GTF2E2: variants seen among roughly 807,000 people sequenced by gnomAD.
GTF2E2 encodes general transcription factor IIE subunit 2, also known as transcription initiation factor IIE subunit beta.
In GTF2E2, 21 loss-of-function variants were observed where a neutral mutation model predicts 40.5. The observed-to-expected ratio is 0.52, with a 90% CI of 0.37 to 0.75. GTF2E2 has a LOEUF of 0.75. GTF2E2 is among the 30% of genes least tolerant of loss of function. The pLI is 0.00. For missense variants in GTF2E2, 298 were observed against 338.4 expected, an observed-to-expected ratio of 0.88 and a Z score of 0.94; for synonymous variants, 117 against 121.6, an observed-to-expected ratio of 0.96 and a Z score of 0.25.
chr8:30,616,506 G>GAAA (rs10680031), intron 3 of GTF2E2, among the ~76,000 whole-genome samples: 1 of 151,034 alleles, frequency 6.6e-6, no homozygotes, highest in African/African-American at 2.4e-5. Context: ...TGAGGGGAGA[G>GAAA]GATGAACAAG....
chr8:30,587,513 T>C (rs1828716828), intron 6 of GTF2E2, among the ~76,000 whole-genome samples: 2 of 150,946 alleles, frequency 1.3e-5, no homozygotes, highest in African/African-American at 2.4e-5. Flanking sequence ...GCAAAAGATC[T>C]GAATATTGTC....
At chr8:30,587,828 C>T (rs906517760) in intron 6 of GTF2E2, among the ~76,000 whole-genome samples, 1 of 143,750 alleles carries the variant, frequency 7.0e-6, no homozygotes, top group African/African-American at 2.6e-5. Flanking sequence ...GCCAAGACCG[C>T]ACCACTGCAC....
intron 3 of GTF2E2, among the ~76,000 whole-genome samples, chr8:30,626,290 T>C (rs1414785364): frequency 6.6e-6 from 1 of 152,074 alleles, no homozygotes; most frequent in Non-Finnish European, 1.5e-5. Context: ...ATCGAGACCA[T>C]CCTGGCCAAC....
intron 6 of GTF2E2, among the ~76,000 whole-genome samples, chr8:30,603,893 G>T (rs1183204991): frequency 6.6e-6 from 1 of 151,904 alleles, no homozygotes; most frequent in African/African-American, 2.4e-5. Flanking sequence ...AAGTCCGAGG[G>T]CCACGCTCTG....
At chr8:30,638,032 G>A (rs1801669918) in intron 2 of GTF2E2, among the ~76,000 whole-genome samples, 1 of 152,140 alleles carries the variant, frequency 6.6e-6, no homozygotes, top group Non-Finnish European at 1.5e-5. Context: ...TTTGAATGCA[G>A]GTAGTGTATT....
At chr8:30,593,937 T>A (rs752393293) in intron 6 of GTF2E2, among the ~76,000 whole-genome samples, 3 of 152,120 alleles carry the variant, frequency 2.0e-5, no homozygotes, top group Admixed American at 6.5e-5. Flanking sequence ...TTTATTTTTT[T>A]ATCTTTCTTT....
At chr8:30,632,789 G>A (rs1309911481) in intron 3 of GTF2E2, among the ~76,000 whole-genome samples, 1 of 152,110 alleles carries the variant, frequency 6.6e-6, no homozygotes, top group Non-Finnish European at 1.5e-5. Flanking sequence ...AAAACTGAAG[G>A]AGGACCTAAC....
intron 6 of GTF2E2, among the ~76,000 whole-genome samples, chr8:30,591,642 G>A (rs1174430583): frequency 6.6e-6 from 1 of 152,238 alleles, no homozygotes; most frequent in Non-Finnish European, 1.5e-5. Flanking sequence ...TGGCAAGGGT[G>A]TGGGGAAAGC....
rs975744942 is a variant in GTF2E2, at chr8:30,614,928, T to G, written c.259-213A>C. ...AAAGACAAACTGACAAAAAAATATA[T>G]GCAACTCGTATCACCAAGAGCTATA... is the stretch of plus-strand genomic sequence containing the variant. On this transcript the variant is annotated intron_variant, in intron 3 of 7. Transcript: ENST00000355904. 7.2e-5 allele frequency among the ~76,000 whole-genome samples: 11 copies of G among 152,020 alleles called. 1 individual carries two copies. The highest frequency in any genetic ancestry group is 2.4e-4 in the African/African-American group (10 of 41,358).
chr8:30,578,929 TG>T lies in GTF2E2; in HGVS notation c.867del (p.Ser290AlafsTer22). On this transcript the variant is annotated frameshift_variant, in exon 8 of 8. Coordinates refer to ENST00000355904, the MANE Select transcript of GTF2E2 (RefSeq NM_002095.6). LOFTEE classifies it high-confidence loss of function. ...CAGGGCAAAACTGTTCCCTATTTGC[TG>T]GAAGTAATGTCAGAGTAATCCTTCA... ...GVLKDYSDIT[S>X]SK 3 of 1,517,206 alleles carry T rather than the reference TG, an allele frequency of 2.0e-6. No homozygotes were observed. Among genetic ancestry groups the T allele is most frequent in the Non-Finnish European group, 2.7e-6 (3 of 1,091,504 alleles). The allele number at this position is 1,517,206 out of a possible 1,614,324, so 94.0% of individuals were successfully genotyped here. A position where few individuals can be genotyped will look rare whatever the true frequency, so the allele number is the denominator to read the frequency against.
intron 1 of GTF2E2, among the ~76,000 whole-genome samples, chr8:30,657,382 C>G (rs947126477): frequency 5.9e-5 from 9 of 152,114 alleles, no homozygotes; most frequent in Admixed American, 1.3e-4. Flanking sequence ...CTCTTTCAAC[C>G]TTACTACTTC....
chr8:30,644,003 C>A (rs1393455628), intron 2 of GTF2E2, among the ~76,000 whole-genome samples: 1 of 152,084 alleles, frequency 6.6e-6, no homozygotes, highest in African/African-American at 2.4e-5. Flanking sequence ...GAATGACAAC[C>A]GATAAATTAA....
At chr8:30,595,852 AG>A (rs1218114917) in intron 6 of GTF2E2, among the ~76,000 whole-genome samples, 1 of 152,120 alleles carries the variant, frequency 6.6e-6, no homozygotes, top group Non-Finnish European at 1.5e-5. Flanking sequence ...GGAAAGGAAA[AG>A]GGGAAGGGGA....
chr8:30,580,655 G>A (rs1828492367), intron 6 of GTF2E2, among the ~76,000 whole-genome samples: 3 of 152,122 alleles, frequency 2.0e-5, no homozygotes, highest in Non-Finnish European at 4.4e-5. Flanking sequence ...CAATGAAGCC[G>A]CCCTGCTTTC....
chr8:30,620,362 A>C (rs1349571561), intron 3 of GTF2E2, among the ~76,000 whole-genome samples: 2 of 152,112 alleles, frequency 1.3e-5, no homozygotes, highest in Non-Finnish European at 2.9e-5. Context: ...CCAAGGTTCC[A>C]AACAAACTAA....
intron 3 of GTF2E2, among the ~76,000 whole-genome samples, chr8:30,626,384 C>G (rs753220370): frequency 2.0e-5 from 3 of 152,146 alleles, no homozygotes; most frequent in Non-Finnish European, 2.9e-5. Context: ...ACTTGGGAGG[C>G]TGAAGCAGGA....
intron 5 of GTF2E2, among the ~76,000 whole-genome samples, chr8:30,608,638 A>C (rs1829389606): frequency 6.6e-6 from 1 of 152,198 alleles, no homozygotes; most frequent in Non-Finnish European, 1.5e-5. Flanking sequence ...CCAAAATCCA[A>C]AACTTTTTAA....
At position 30,653,475 on chromosome 8, in the gene GTF2E2, T is replaced by G. The variant is rs780963948; in HGVS notation, c.124A>C (p.Lys42Gln). 2 of 1,613,996 alleles carry G rather than the reference T, an allele frequency of 1.2e-6. No homozygotes were observed. Among genetic ancestry groups the G allele is most frequent in the South Asian group, 1.1e-5 (1 of 91,072 alleles). Residue 42 changes from lysine to glutamine, a missense_variant, in exon 2 of 8, where the codon AAG becomes CAG. Physicochemically the swap from Lys to Gln is moderately conservative, Grantham distance 53 (BLOSUM62 1). Coordinates refer to ENST00000355904, the MANE Select transcript of GTF2E2 (RefSeq NM_002095.6). ...SSSSSKKKKT[K>Q]VEHGGSSGSK... The stretch of plus-strand genomic sequence containing the variant: ...CCTGACGATCCTCCATGTTCTACCT[T>G]TGTTTTCTTCTTCTTTGACGATGAT...
At chr8:30,654,103 A>C (rs990287108) in intron 1 of GTF2E2, among the ~76,000 whole-genome samples, 1 of 151,258 alleles carries the variant, frequency 6.6e-6, no homozygotes. Flanking sequence ...AAAAAAAAAA[A>C]AAAGAAAGAA....
Sources: allele counts gnomAD v4.1 joint callset (sites outside exome capture counted in the v4.1 genomes callset), GRCh38; gene constraint gnomAD v4.1.1; transcripts MANE v1.5; gene names NCBI Gene and HGNC (gene_info 2026-07-23, HGNC 2026-07-21).